The following DNAH11 variants were observed in gnomAD, a reference collection of about 807,000 sequenced individuals.
The protein encoded by DNAH11 is dynein axonemal heavy chain 11, also known as axonemal beta dynein heavy chain 11.
A neutral mutation model predicts 526.0 loss-of-function variants in DNAH11; 442 were observed. The observed-to-expected ratio is 0.84, with a 90% CI of 0.78 to 0.91. The LOEUF (loss-of-function observed/expected upper bound fraction) is 0.91, where lower values mean the gene tolerates loss of function less well. Among genes scored for constraint, DNAH11 ranks in the 40% least tolerant of loss-of-function variants. DNAH11 has a pLI of 0.00. For synonymous variants in DNAH11, 2,461 were observed against 1,935.9 expected (o/e 1.27, Z -7.12); for missense variants, 6,989 against 5,448.7 (o/e 1.28, Z -8.90).
intron 44 of DNAH11, among the ~76,000 whole-genome samples, chr7:21,723,465 G>A (rs1367704441): frequency 6.6e-6 from 1 of 152,120 alleles, no homozygotes; most frequent in Non-Finnish European, 1.5e-5. Context: ...CCCATAAACT[G>A]CCGTCATTTC....
chr7:21,827,692 T>C (rs2128006637), intron 65 of DNAH11, among the ~76,000 whole-genome samples: 1 of 152,042 alleles, frequency 6.6e-6, no homozygotes, highest in East Asian at 1.9e-4. Flanking sequence ...CATTTTATAT[T>C]TATTTATTTT....
rs760908775 is a variant in DNAH11 at position 21,773,766 on chromosome 7, C to T, written c.9103C>T (p.Pro3035Ser). 3.0e-5 allele frequency: 46 copies of T among 1,532,126 alleles called. No homozygotes were observed. Among genetic ancestry groups the T allele is most frequent in the Non-Finnish European group, 4.0e-5 (46 of 1,138,600 alleles). The allele number at this position is 1,532,126 out of a possible 1,614,324, so 94.9% of individuals were successfully genotyped here. A position where few individuals can be genotyped will look rare whatever the true frequency, so the allele number is the denominator to read the frequency against. The change falls in exon 56 of 82, where the codon CCA (proline) becomes TCA (serine). Residue 3035 changes from proline (P) to serine (S), a missense_variant and splice_region_variant. Transcript: ENST00000409508. ...TGAACTGTAATGTTTGTGTTTTCAG[C>T]CAGTGCACAAAGACTCTATTAGCCT... is the stretch of plus-strand genomic sequence containing the variant. ...RFIEETKGIE[P>S]VHKDSISLFM...
intron 55 of DNAH11, among the ~76,000 whole-genome samples, chr7:21,770,036 A>G (rs1787367121): frequency 6.6e-6 from 1 of 152,208 alleles, no homozygotes; most frequent in African/African-American, 2.4e-5. Context: ...ACAGCATACA[A>G]TTTAGAAAAC....
chr7:21,812,108 A>G (rs1321046928), intron 63 of DNAH11, among the ~76,000 whole-genome samples: 1 of 152,196 alleles, frequency 6.6e-6, no homozygotes. Context: ...TTTAACATGA[A>G]AGATGTCAAG....
At position 21,873,458 on chromosome 7, in the gene DNAH11, G is replaced by A. The variant is rs747246424; in HGVS notation, c.12152G>A (p.Gly4051Glu). ...AAGATCACTAATGAACCCCCAACAG[G>A]GATGCTGGCCAATTTGCATGCCGCC... ...SIKITNEPPTGMLANLHAALY... is the reference protein window; with the variant it reads ...SIKITNEPPTEMLANLHAALY... Residue 4051 changes from glycine to glutamate, a missense_variant, in exon 74 of 82, where the codon GGG becomes GAG. Coordinates refer to ENST00000409508, the MANE Select transcript of DNAH11 (RefSeq NM_001277115.2). The A allele has an allele frequency of 1.2e-6, 2 of 1,613,918 alleles. No individual in the cohort carries two copies. The highest frequency in any genetic ancestry group is 1.7e-6 in the Non-Finnish European group (2 of 1,179,862).
intron 63 of DNAH11, among the ~76,000 whole-genome samples, chr7:21,812,959 A>G (rs991035091): frequency 1.3e-5 from 2 of 152,048 alleles, no homozygotes; most frequent in South Asian, 2.1e-4. Context: ...GCAGGTAGAG[A>G]AGATAAGGCA....
chr7:21,873,538 C>A, intron 74 of DNAH11, 37 bp downstream of exon 74: 2 of 1,595,154 alleles, frequency 1.3e-6, no homozygotes, highest in South Asian at 1.1e-5. Context: ...ACAATGAAGT[C>A]AGAGTCATCT....
Position 21,869,246 on chromosome 7 carries a change from C to T in DNAH11, c.11967+255C>T, listed in dbSNP as rs540380356. The stretch of plus-strand genomic sequence containing the variant: ...AACTATTAGGAAGAACTTCGTCGTT[C>T]CCCTCACTTAGAGATATCTGGAACA... On this transcript the variant is annotated intron_variant, in intron 73 of 81. Transcript: ENST00000409508. Among the ~76,000 whole-genome samples, 6 of 152,328 alleles carry T rather than the reference C, an allele frequency of 3.9e-5. 1 individual carries two copies. The highest frequency in any genetic ancestry group is 1.4e-4 in the African/African-American group (6 of 41,576).
At chr7:21,832,023 G>A (rs1583749649) in intron 65 of DNAH11, among the ~76,000 whole-genome samples, 1 of 152,182 alleles carries the variant, frequency 6.6e-6, no homozygotes, top group Admixed American at 6.5e-5. Flanking sequence ...CCGGGAGGCA[G>A]AGCTTGCAGT....
At chr7:21,816,771 C>T (rs1583729854) in intron 64 of DNAH11, 69 bp downstream of exon 64, 3 of 1,336,996 alleles carry the variant, frequency 2.2e-6, no homozygotes, top group Non-Finnish European at 3.2e-6. Context: ...TTTATAAAGG[C>T]GTGATGTTTC....
intron 62 of DNAH11, among the ~76,000 whole-genome samples, chr7:21,805,598 G>T (rs1789228992): frequency 6.6e-6 from 1 of 152,262 alleles, no homozygotes; most frequent in South Asian, 2.1e-4. Flanking sequence ...CCATTTGTGA[G>T]GTACCTGAGA....
At chr7:21,673,745 T>G (rs1782739035) in intron 30 of DNAH11, among the ~76,000 whole-genome samples, 1 of 152,178 alleles carries the variant, frequency 6.6e-6, no homozygotes, top group Non-Finnish European at 1.5e-5. Context: ...GTTTCCTGCC[T>G]TATCTTTGTT....
At chr7:21,740,077 A>C (rs534957160) in intron 48 of DNAH11, among the ~76,000 whole-genome samples, 1 of 152,290 alleles carries the variant, frequency 6.6e-6, no homozygotes, top group East Asian at 1.9e-4. Context: ...ACATATAATG[A>C]CAAGTATCAG....
chr7:21,574,381 C>G (rs1052767870), intron 8 of DNAH11, among the ~76,000 whole-genome samples: 5 of 152,098 alleles, frequency 3.3e-5, no homozygotes, highest in African/African-American at 1.2e-4. Context: ...AGAGATTTCC[C>G]ACATTATATA....
chr7:21,593,915 T>C (rs759004338), intron 14 of DNAH11, among the ~76,000 whole-genome samples: 2 of 150,740 alleles, frequency 1.3e-5, no homozygotes, highest in Non-Finnish European at 3.0e-5. Flanking sequence ...AATCTCTCTC[T>C]CTCTAACACA....
intron 75 of DNAH11, 120 bp downstream of exon 75, chr7:21,881,013 T>C: frequency 1.1e-6 from 1 of 883,438 alleles, no homozygotes; most frequent in Non-Finnish European, 1.6e-6. Flanking sequence ...GCTGACACTA[T>C]GTATGTATCT....
intron 49 of DNAH11, 81 bp downstream of exon 49, chr7:21,742,247 T>C (rs1300631840): frequency 6.8e-7 from 1 of 1,463,724 alleles, no homozygotes; most frequent in Non-Finnish European, 9.2e-7. Flanking sequence ...TTTATGTCAC[T>C]ATAGAGAAAC....
Position 21,571,847 on chromosome 7 carries a change from A to G in DNAH11, c.1467A>G (p.Arg489=), listed in dbSNP as rs752782593. Residue 489 remains arginine, a synonymous_variant, in exon 8 of 82, where the codon AGA becomes AGG. Transcript: ENST00000409508. ...CTTTGGAATTTGAAAAGCTGGAAAG[A>G]CTGGAATTTGGTGGTACCAAAGGAG... ...ATTLEFEKLE[R]LEFGGTKGAI... is the part of the protein sequence containing the mutation. The G allele has an allele frequency of 1.7e-5, 27 of 1,613,238 alleles. No individual in the cohort carries two copies. The highest frequency in any genetic ancestry group is 9.9e-5 in the South Asian group (9 of 90,950).
chr7:21,741,751 C>G (rs1338783178), intron 48 of DNAH11, among the ~76,000 whole-genome samples, 176 bp from the exon 49 acceptor site: 2 of 152,270 alleles, frequency 1.3e-5, no homozygotes, highest in East Asian at 3.9e-4. Flanking sequence ...CTGTCACTTC[C>G]ACCTCATTCT....
Sources: gnomAD v4.1 joint callset for allele counts (sites outside exome capture counted in the v4.1 genomes callset) on GRCh38, gnomAD v4.1.1 for gene constraint, MANE v1.5 for transcripts, NCBI Gene and HGNC (gene_info 2026-07-23, HGNC 2026-07-21) for gene names.